Variants in SLC8A1 observed in about 807,000 individuals in gnomAD.
The protein encoded by SLC8A1 is solute carrier family 8 member A1.
SLC8A1 carries 18 observed loss-of-function variants against 68.3 expected under a neutral mutation model. The ratio of observed to expected loss-of-function variants is 0.26; its 90% CI spans 0.18 to 0.39. The LOEUF (loss-of-function observed/expected upper bound fraction) is 0.39, where lower values mean the gene tolerates loss of function less well. SLC8A1 is among the 10% of genes least tolerant of loss of function. The pLI, the probability that SLC8A1 is intolerant of heterozygous loss-of-function variation, is 1.00. For synonymous variants in SLC8A1, 475 were observed against 415.5 expected (o/e 1.14, Z -1.74); for missense variants, 985 against 1,156.7 (o/e 0.85, Z 2.15).
chr2:40,451,633 T>C (rs1277537220), intron 1 of SLC8A1, among the ~76,000 whole-genome samples: 1 of 151,948 alleles, frequency 6.6e-6, no homozygotes, highest in Non-Finnish European at 1.5e-5. Flanking sequence ...CAGCCTGCAC[T>C]GGCAGGCAGG....
exon 2 of SLC8A1, chr2:40,428,790 A>T (rs765250335): frequency 6.2e-7 from 1 of 1,613,836 alleles, no homozygotes; most frequent in Non-Finnish European, 8.5e-7. Context: ...ATACTTTGAC[A>T]TTGCTGAGAT....
At chr2:40,368,431 A>C (rs995499391) in intron 2 of SLC8A1, among the ~76,000 whole-genome samples, 1 of 151,992 alleles carries the variant, frequency 6.6e-6, no homozygotes, top group African/African-American at 2.4e-5. Context: ...CTGAACCCCT[A>C]AGTCTTTCAG....
intron 2 of SLC8A1, among the ~76,000 whole-genome samples, chr2:40,347,837 C>T (rs546906284): frequency 9.5e-4 from 145 of 152,258 alleles, no homozygotes; most frequent in African/African-American, 3.4e-3. Context: ...AAAGTCCATA[C>T]ATTTTCATCT....
intron 2 of SLC8A1, among the ~76,000 whole-genome samples, chr2:40,371,405 G>A (rs1000424985): frequency 3.9e-5 from 6 of 152,070 alleles, no homozygotes; most frequent in African/African-American, 1.4e-4. Flanking sequence ...GACTCTCATG[G>A]ATCTGACAGG....
intron 1 of SLC8A1, among the ~76,000 whole-genome samples, chr2:40,432,421 GTGTA>G (rs755200954): frequency 0.01 from 1,474 of 145,604 alleles, 27 homozygotes; most frequent in African/African-American, 0.031. Flanking sequence ...GTGTGTGTGT[GTGTA>G]TGTGTCAGTG....
At chr2:40,330,657 CTAGTTGCTTA>C (rs1240443021) in intron 2 of SLC8A1, among the ~76,000 whole-genome samples, 1 of 152,110 alleles carries the variant, frequency 6.6e-6, no homozygotes, top group African/African-American at 2.4e-5. Context: ...AAATATACTA[CTAGTTGCTTA>C]TAGTTGCAAA....
At chr2:40,236,384 T>A (rs569862869) in intron 2 of SLC8A1, among the ~76,000 whole-genome samples, 1 of 152,330 alleles carries the variant, frequency 6.6e-6, no homozygotes, top group African/African-American at 2.4e-5. Flanking sequence ...TGATCTTTGT[T>A]GGTTTAAGGT....
exon 8 of SLC8A1, chr2:40,104,301 C>G (rs982168179): frequency 1.3e-5 from 2 of 152,062 alleles, no homozygotes; most frequent in African/African-American, 4.8e-5. Flanking sequence ...GCATCAACAC[C>G]TAGTAAAAGA....
intron 2 of SLC8A1, chr2:40,209,349 G>A (rs1400410712): frequency 1.3e-5 from 2 of 152,190 alleles, no homozygotes; most frequent in African/African-American, 2.4e-5. Flanking sequence ...TAAGACAGGA[G>A]CGCCTCACCT....
intron 6 of SLC8A1, among the ~76,000 whole-genome samples, chr2:40,153,033 C>G (rs1213406740): frequency 6.6e-6 from 1 of 151,948 alleles, no homozygotes; most frequent in Non-Finnish European, 1.5e-5. Context: ...TCAATTTTGT[C>G]AGTACATTTC....
At chr2:40,481,575 T>C (rs926020365) in intron 1 of SLC8A1, among the ~76,000 whole-genome samples, 4 of 152,206 alleles carry the variant, frequency 2.6e-5, no homozygotes, top group Non-Finnish European at 2.9e-5. Context: ...GTAAGAACCA[T>C]AGTTCGATCT....
intron 2 of SLC8A1, among the ~76,000 whole-genome samples, chr2:40,331,489 T>C (rs191253096): frequency 4.5e-4 from 68 of 152,306 alleles, no homozygotes; most frequent in African/African-American, 1.5e-3. Flanking sequence ...CCCTTTATAT[T>C]AGCAAAATTT....
chr2:40,248,150 A>G (rs184198429), intron 2 of SLC8A1, among the ~76,000 whole-genome samples: 126 of 151,458 alleles, frequency 8.3e-4, no homozygotes, highest in Middle Eastern at 3.4e-3. Flanking sequence ...TGACATTAAG[A>G]TATGTTAAGA....
intron 2 of SLC8A1, among the ~76,000 whole-genome samples, chr2:40,205,471 T>G (rs897371474): frequency 6.6e-6 from 1 of 152,018 alleles, no homozygotes; most frequent in Non-Finnish European, 1.5e-5. Flanking sequence ...CACATTTTCT[T>G]TATCCAGTCT....
intron 2 of SLC8A1, among the ~76,000 whole-genome samples, chr2:40,330,233 G>A (rs2149370835): frequency 6.6e-6 from 1 of 152,226 alleles, no homozygotes; most frequent in Middle Eastern, 3.4e-3. Flanking sequence ...GAGGCAGGAT[G>A]ATAGTATATG....
intron 7 of SLC8A1, chr2:40,116,943 C>G (rs1471624833): frequency 1.3e-5 from 2 of 152,336 alleles, no homozygotes; most frequent in African/African-American, 2.4e-5. Flanking sequence ...TCGCAGCTGA[C>G]TGTGTGACTC....
intron 2 of SLC8A1, among the ~76,000 whole-genome samples, chr2:40,383,439 T>C (rs1304746298): frequency 2.0e-5 from 3 of 152,096 alleles, no homozygotes; most frequent in Non-Finnish European, 2.9e-5. Context: ...TGTCATTCGC[T>C]TCATATTTTG....
chr2:40,456,293 GT>G (rs1446484894), upstream of SLC8A1, among the ~76,000 whole-genome samples: 1 of 141,008 alleles, frequency 7.1e-6, no homozygotes, highest in Non-Finnish European at 1.5e-5. Flanking sequence ...TCCAGCCTGG[GT>G]GGACAGAGCG....
chr2:40,385,438 G>A (rs1427980743), intron 2 of SLC8A1, among the ~76,000 whole-genome samples: 1 of 84,054 alleles, frequency 1.2e-5, no homozygotes, highest in Non-Finnish European at 2.2e-5. Context: ...ATTTTTCAAA[G>A]TATCTGTTTT....
Sources: gnomAD v4.1 joint callset for allele counts (sites outside exome capture counted in the v4.1 genomes callset) on GRCh38, gnomAD v4.1.1 for gene constraint, MANE v1.5 for transcripts, NCBI Gene and HGNC (gene_info 2026-07-23, HGNC 2026-07-21) for gene names.